TMEM266: variants seen among roughly 807,000 people sequenced by gnomAD.
The protein encoded by TMEM266 is transmembrane protein 266.
TMEM266 carries 33 observed loss-of-function variants against 50.5 expected under a neutral mutation model. The ratio of observed to expected loss-of-function variants is 0.65; its 90% confidence interval spans 0.50 to 0.87. The LOEUF is 0.87. TMEM266 is among the 40% of genes least tolerant of loss of function. The probability of loss-of-function intolerance (pLI) is 0.00; values close to 1 mark genes in which losing one functional copy is unlikely to be tolerated. For synonymous variants in TMEM266, 310 were observed against 292.3 expected (o/e 1.06, Z -0.62); for missense variants, 655 against 695.1 (o/e 0.94, Z 0.65).
intron 4 of TMEM266, among the ~76,000 whole-genome samples, chr15:76,157,425 G>T (rs915901614): frequency 6.6e-6 from 1 of 152,156 alleles, no homozygotes; most frequent in Non-Finnish European, 1.5e-5. Context: ...TAACTGCTTG[G>T]CCAGTTCTCT....
intron 8 of TMEM266, among the ~76,000 whole-genome samples, chr15:76,181,792 G>A (rs144867411): frequency 2.0e-5 from 3 of 152,156 alleles, no homozygotes; most frequent in Non-Finnish European, 2.9e-5. Context: ...CTCATCTCAC[G>A]AAACCACCTC....
intron 1 of TMEM266, among the ~76,000 whole-genome samples, chr15:76,097,102 A>C (rs975452276): frequency 1.3e-5 from 2 of 151,868 alleles, no homozygotes; most frequent in Admixed American, 1.3e-4. Context: ...TGGGGCATTT[A>C]GCCTGTTTAC....
In TMEM266 at chr15:76,169,703, A is replaced by G. The variant is rs568485349; in HGVS notation, c.457-113A>G. 8.4e-4 allele frequency: 996 copies of G among 1,189,952 alleles called. 2 individuals are homozygous for G. Among genetic ancestry groups the G allele is most frequent in the East Asian group, 3.3e-3 (138 of 41,914 alleles). The allele number at this position is 1,189,952 out of a possible 1,614,324, so 73.7% of individuals were successfully genotyped here. The stretch of plus-strand genomic sequence containing the variant: ...CCAAGGAATGCTTAGTGGATGGCGG[A>G]GACCTTTTCCTTTTACTGAATGCAG... On this transcript the variant is annotated intron_variant, in intron 5 of 10. Coordinates refer to ENST00000388942, the MANE Select transcript of TMEM266 (RefSeq NM_152335.3).
intron 1 of TMEM266, among the ~76,000 whole-genome samples, chr15:76,123,364 G>C (rs1271179558): frequency 6.6e-6 from 1 of 152,230 alleles, no homozygotes; most frequent in African/African-American, 2.4e-5. Context: ...GGAACATGAT[G>C]TCCATGAAAC....
At chr15:76,201,497 C>T (rs2038747547) in intron 9 of TMEM266, among the ~76,000 whole-genome samples, 2 of 152,220 alleles carry the variant, frequency 1.3e-5, no homozygotes, top group Non-Finnish European at 2.9e-5. Context: ...CCCACCTCAG[C>T]CTCCCTAGTA....
rs2038020936 is a variant in TMEM266 at position 76,161,714 on chromosome 15, C to A, written c.456+1546C>A. Among the ~76,000 whole-genome samples the A allele has an allele frequency of 1.3e-5, 2 of 152,190 alleles. No individual in the cohort carries two copies. Among genetic ancestry groups the A allele is most frequent in the South Asian group, 4.1e-4 (2 of 4,832 alleles). On this transcript the variant is annotated intron_variant, in intron 5 of 10. Transcript: ENST00000388942. The surrounding 1 kb of genome is among the most constrained non-coding windows in gnomAD (Gnocchi z 4.1). ...AGGGGTCCTAACCACCTCCCTGAGA[C>A]CATTGCCCTGGAGGTGCCTCTGCCC...
At chr15:76,162,653 G>A (rs959045637) in intron 5 of TMEM266, among the ~76,000 whole-genome samples, 7 of 152,234 alleles carry the variant, frequency 4.6e-5, no homozygotes, top group African/African-American at 1.4e-4. Flanking sequence ...TGGACCTAGG[G>A]CTCTGGGCAC....
At chr15:76,130,242 A>C (rs1210309159) in intron 1 of TMEM266, among the ~76,000 whole-genome samples, 11 of 137,940 alleles carry the variant, frequency 8.0e-5, no homozygotes, top group Non-Finnish European at 1.2e-4. Flanking sequence ...AAAAAAAAAA[A>C]AAAAAAAAAA....
intron 1 of TMEM266, among the ~76,000 whole-genome samples, chr15:76,064,582 C>G (rs987839302): frequency 2.0e-5 from 3 of 152,176 alleles, no homozygotes; most frequent in Non-Finnish European, 4.4e-5. Context: ...CTCCTCCTCC[C>G]GGATGGCTTT....
chr15:76,156,215 C>A (rs968305973), intron 3 of TMEM266, among the ~76,000 whole-genome samples: 2 of 152,114 alleles, frequency 1.3e-5, no homozygotes, highest in African/African-American at 4.8e-5. Context: ...CAAAAATTAG[C>A]CGGGCATGGT....
At chr15:76,172,311 C>A (rs533837072) in intron 7 of TMEM266, among the ~76,000 whole-genome samples, 3 of 152,202 alleles carry the variant, frequency 2.0e-5, no homozygotes, top group Non-Finnish European at 4.4e-5. Flanking sequence ...TCTCCCTTGC[C>A]CTCTGAGGCA....
At chr15:76,102,683 A>G (rs1478377336) in intron 1 of TMEM266, among the ~76,000 whole-genome samples, 1 of 152,084 alleles carries the variant, frequency 6.6e-6, no homozygotes, top group Admixed American at 6.6e-5. Context: ...TACTAAAAAT[A>G]CAAAAATTAG....
At chr15:76,147,997 A>G (rs2142040185) in intron 3 of TMEM266, among the ~76,000 whole-genome samples, 1 of 152,392 alleles carries the variant, frequency 6.6e-6, no homozygotes, top group Non-Finnish European at 1.5e-5. Context: ...AAAGGAAAAA[A>G]GGCAATACAT....
chr15:76,163,736 C>T (rs1450775080), intron 5 of TMEM266, among the ~76,000 whole-genome samples: 2 of 152,058 alleles, frequency 1.3e-5, no homozygotes, highest in African/African-American at 4.8e-5. Context: ...GGGTGTTGGT[C>T]GCATCCCTGG....
intron 1 of TMEM266, among the ~76,000 whole-genome samples, chr15:76,116,045 T>A (rs2037241465): frequency 6.6e-6 from 1 of 152,156 alleles, no homozygotes; most frequent in Admixed American, 6.5e-5. Flanking sequence ...ACTTATACTC[T>A]GTTTAAATTA....
rs1174190652 is a variant in TMEM266, at chr15:76,134,210, A to G, written c.-54A>G. The G allele has an allele frequency of 1.7e-5, 27 of 1,591,788 alleles. No homozygotes were observed. The highest frequency in any genetic ancestry group is 2.1e-5 in the Non-Finnish European group (24 of 1,161,230). ...TGTCTTGTAGAACCCACGCTTGGAA[A>G]TGCTGACAGCAGGCTTCAGGACAGC... On this transcript the variant is annotated 5_prime_UTR_variant, in exon 2 of 11. An upstream start codon of the reference 5' UTR is lost. Coordinates refer to ENST00000388942, the MANE Select transcript of TMEM266 (RefSeq NM_152335.3).
chr15:76,177,241 C>T (rs1210853998), intron 8 of TMEM266, among the ~76,000 whole-genome samples: 1 of 152,262 alleles, frequency 6.6e-6, no homozygotes, highest in Non-Finnish European at 1.5e-5. Flanking sequence ...AGCCTTAGTC[C>T]AACTCACATC....
At chr15:76,097,092 TG>T (rs1418909898) in intron 1 of TMEM266, among the ~76,000 whole-genome samples, 3 of 152,042 alleles carry the variant, frequency 2.0e-5, no homozygotes, top group Non-Finnish European at 4.4e-5. Flanking sequence ...GTCTTTTAAC[TG>T]GGGCATTTAG....
At chr15:76,062,160 C>T (rs1005732064) in intron 1 of TMEM266, among the ~76,000 whole-genome samples, 1 of 152,146 alleles carries the variant, frequency 6.6e-6, no homozygotes, top group African/African-American at 2.4e-5. Context: ...AGCTTTTCTA[C>T]TCAGGTCACA....
Sources: gnomAD v4.1 joint callset for allele counts (sites outside exome capture counted in the v4.1 genomes callset) on GRCh38, gnomAD v4.1.1 for gene constraint, Gnocchi (gnomAD v3.1) non-coding constraint, MANE v1.5 for transcripts, NCBI Gene and HGNC (gene_info 2026-07-23, HGNC 2026-07-21) for gene names.